The following XIRP2 variants were observed in gnomAD, a reference collection of about 807,000 sequenced individuals.
XIRP2 encodes xin actin-binding repeat-containing protein 2.
Under a neutral mutation model 277.0 loss-of-function variants are expected in XIRP2, and 236 were observed. The ratio of observed to expected loss-of-function variants is 0.85; its 90% CI spans 0.77 to 0.95. XIRP2 has a LOEUF of 0.95. Among genes scored for constraint, XIRP2 ranks in the 40% least tolerant of loss-of-function variants. The probability of loss-of-function intolerance (pLI) is 0.00; values close to 1 mark genes in which losing one functional copy is unlikely to be tolerated. For missense variants in XIRP2, 4,640 were observed against 4,157.5 expected, an observed-to-expected ratio of 1.12 and a Z score of -3.19; for synonymous variants, 1,490 against 1,416.5, an observed-to-expected ratio of 1.05 and a Z score of -1.17.
chr2:167,026,325 CT>C (rs1267802022), intron 2 of XIRP2, among the ~76,000 whole-genome samples: 7 of 152,022 alleles, frequency 4.6e-5, no homozygotes, highest in African/African-American at 1.7e-4. Context: ...TTCCTCCATC[CT>C]TTTATTTTGA....
intron 3 of XIRP2, among the ~76,000 whole-genome samples, chr2:167,142,567 A>G (rs1374767919): frequency 6.6e-6 from 1 of 152,016 alleles, no homozygotes; most frequent in Non-Finnish European, 1.5e-5. Flanking sequence ...AAAAAATAAA[A>G]AAATAAAAAA....
chr2:167,068,733 C>T lies in XIRP2; in HGVS notation c.409-67176C>T, dbSNP rs1050034006. Reference sequence around the variant, plus strand: ...TAGTTTTTCAAGCCTTGCTCTAGAGCAAGCTTGTCCAACCCATGGCCCAGG... The same window carrying T: ...TAGTTTTTCAAGCCTTGCTCTAGAGTAAGCTTGTCCAACCCATGGCCCAGG... On this transcript the variant is annotated intron_variant, in intron 2 of 10. Transcript: ENST00000409195. Among the ~76,000 whole-genome samples the T allele has an allele frequency of 2.0e-5, 3 of 152,182 alleles. No individual in the cohort carries two copies. In the South Asian group the frequency reaches 6.2e-4, roughly 32 times the overall value.
intron 2 of XIRP2, among the ~76,000 whole-genome samples, chr2:166,925,606 T>TATATATAC (rs1685165839): frequency 1.4e-5 from 2 of 139,362 alleles, no homozygotes; most frequent in Non-Finnish European, 3.0e-5. Flanking sequence ...CATATATATA[T>TATATATAC]ATATATATAT....
chr2:166,892,409 A>G (rs530366360), intron 1 of XIRP2, among the ~76,000 whole-genome samples: 2 of 152,298 alleles, frequency 1.3e-5, no homozygotes, highest in South Asian at 4.1e-4. Context: ...GAAAAGAGAC[A>G]TGTGTTGATC....
chr2:166,924,785 T>C (rs996435989), intron 2 of XIRP2, among the ~76,000 whole-genome samples: 4 of 152,094 alleles, frequency 2.6e-5, no homozygotes, highest in Non-Finnish European at 4.4e-5. Flanking sequence ...TTGTGATTTA[T>C]GTTGCCAAGT....
chr2:167,143,632 G>A (rs1691789540), intron 3 of XIRP2, among the ~76,000 whole-genome samples: 1 of 152,128 alleles, frequency 6.6e-6, no homozygotes, highest in Admixed American at 6.6e-5. Flanking sequence ...AATTCCAGCT[G>A]AGGTTAATTA....
intron 2 of XIRP2, among the ~76,000 whole-genome samples, chr2:166,915,680 A>G (rs1684852818): frequency 6.6e-6 from 1 of 152,158 alleles, no homozygotes; most frequent in Non-Finnish European, 1.5e-5. Context: ...TATTAATCTA[A>G]TTATTCTATT....
intron 2 of XIRP2, among the ~76,000 whole-genome samples, chr2:166,968,862 G>A (rs1158310875): frequency 6.6e-6 from 1 of 151,904 alleles, no homozygotes; most frequent in South Asian, 2.1e-4. Flanking sequence ...GAGATAAATG[G>A]TTCTAAATGA....
chr2:167,025,778 T>G (rs1242239115), intron 2 of XIRP2, among the ~76,000 whole-genome samples: 2 of 152,158 alleles, frequency 1.3e-5, no homozygotes, highest in Admixed American at 6.6e-5. Context: ...AGTGAGTTTC[T>G]TAATCCTGAG....
chr2:166,980,205 A>C (rs1686829514), intron 2 of XIRP2, among the ~76,000 whole-genome samples: 1 of 152,044 alleles, frequency 6.6e-6, no homozygotes, highest in Non-Finnish European at 1.5e-5. Flanking sequence ...TTTTGAACCT[A>C]GTATTGGTAA....
chr2:167,201,709 T>C (rs1216852158), intron 3 of XIRP2, among the ~76,000 whole-genome samples: 2 of 152,196 alleles, frequency 1.3e-5, no homozygotes, highest in African/African-American at 4.8e-5. Context: ...ATTCAGCTTA[T>C]TTATTTCCCT....
chr2:167,114,291 A>G (rs1375282950), intron 2 of XIRP2, among the ~76,000 whole-genome samples: 5 of 152,142 alleles, frequency 3.3e-5, no homozygotes, highest in Non-Finnish European at 5.9e-5. Context: ...GTCTCTTTAC[A>G]TAATCTCATA....
intron 2 of XIRP2, among the ~76,000 whole-genome samples, chr2:166,911,810 G>T (rs1684709775): frequency 6.6e-6 from 1 of 152,162 alleles, no homozygotes; most frequent in African/African-American, 2.4e-5. Context: ...GCCTGGTGGT[G>T]ACAAAATCTC....
intron 2 of XIRP2, among the ~76,000 whole-genome samples, chr2:166,961,168 C>T (rs1261838029): frequency 6.6e-6 from 1 of 151,662 alleles, no homozygotes. Flanking sequence ...GTGAAGAGAG[C>T]ACAGCCATTA....
intron 2 of XIRP2, among the ~76,000 whole-genome samples, chr2:167,108,257 G>A (rs189924405): frequency 1.9e-4 from 29 of 151,788 alleles, no homozygotes; most frequent in African/African-American, 6.8e-4. Flanking sequence ...TACCCTGCTA[G>A]AGTTTTGTCA....
rs59955159 is a variant in XIRP2, at chr2:167,170,323, A to G, written c.562+34261A>G. On this transcript the variant is annotated intron_variant, in intron 3 of 10. Coordinates refer to ENST00000409195, the MANE Select transcript of XIRP2 (RefSeq NM_152381.6). The stretch of plus-strand genomic sequence containing the variant: ...AGGGTTAGGTAGGCTTCAAAAAAAC[A>G]TGTCAGGAAGTGTTTCTTCCCTCTA... 8.1e-3 allele frequency among the ~76,000 whole-genome samples: 1,226 copies of G among 152,080 alleles called. 44 individuals carry two copies. In the East Asian group the frequency reaches 0.093, roughly 12 times the overall value.
chr2:167,235,870 T>G (rs985423438), intron 5 of XIRP2, among the ~76,000 whole-genome samples: 2 of 151,904 alleles, frequency 1.3e-5, no homozygotes, highest in African/African-American at 4.8e-5. Flanking sequence ...ATGTTTGAAT[T>G]TTAATGTATC....
intron 10 of XIRP2, 33 bp from the exon 11 acceptor site, chr2:167,257,824 C>T (rs182028418): frequency 1.9e-4 from 297 of 1,547,010 alleles, no homozygotes; most frequent in Non-Finnish European, 2.2e-4. Context: ...ACAGTAAATA[C>T]GAACTGCTAA....
intron 2 of XIRP2, among the ~76,000 whole-genome samples, chr2:166,950,361 G>A (rs116605210): frequency 0.012 from 1,853 of 152,006 alleles, 18 homozygotes; most frequent in Non-Finnish European, 0.02. Context: ...CTTTCCGTTC[G>A]TGTATTTAAT....
Sources: gnomAD v4.1 joint callset for allele counts (sites outside exome capture counted in the v4.1 genomes callset) on GRCh38, gnomAD v4.1.1 for gene constraint, MANE v1.5 for transcripts, NCBI Gene and HGNC (gene_info 2026-07-23, HGNC 2026-07-21) for gene names.